ANXA5: variants seen among roughly 807,000 people sequenced by gnomAD.
ANXA5 encodes the protein CBP-I.
ANXA5 carries 40 observed loss-of-function variants against 48.1 expected under a neutral mutation model. That is an observed-to-expected ratio of 0.83 (90% confidence interval 0.65 to 1.08). The LOEUF is 1.08. Ranked by LOEUF, ANXA5 falls within the 50% of genes least tolerant of loss-of-function variation. ANXA5 has a pLI of 0.00. For synonymous variants in ANXA5, 113 were observed against 129.1 expected (o/e 0.88, Z 0.85); for missense variants, 357 against 376.8 (o/e 0.95, Z 0.44).
At position 121,681,689 on chromosome 4, in the gene ANXA5, T is replaced by G; in HGVS notation, c.376A>C (p.Lys126Gln). Residue 126 changes from lysine (K) to glutamine (Q), a missense_variant, in exon 6 of 13, where the codon AAA (lysine) becomes CAA (glutamine). By Grantham distance (53) the Lys-to-Gln change is moderately conservative (BLOSUM62 1). Coordinates refer to ENST00000296511, the MANE Select transcript of ANXA5 (RefSeq NM_001154.4). ...SRTPEELRAI[K>Q]QVYEEEYGSS... is the part of the protein sequence containing the mutation. ...CATTTACCTTCTTCATAAACTTGTTTGATGGCTCTCAGTTCTTCAGGTGTC... is the reference window on the plus strand; with the variant it reads ...CATTTACCTTCTTCATAAACTTGTTGGATGGCTCTCAGTTCTTCAGGTGTC... 2 of 1,611,888 alleles carry G rather than the reference T, an allele frequency of 1.2e-6. No individual in the cohort carries two copies. The highest frequency in any genetic ancestry group is 1.7e-6 in the Non-Finnish European group (2 of 1,178,466).
intron 5 of ANXA5, among the ~76,000 whole-genome samples, chr4:121,682,232 G>C (rs897546454): frequency 2.0e-5 from 3 of 152,066 alleles, no homozygotes; most frequent in African/African-American, 7.2e-5. Context: ...TGCAGTCACA[G>C]GAAAATTCTA....
chr4:121,680,417 C>A (rs1724771284), intron 6 of ANXA5, among the ~76,000 whole-genome samples: 1 of 152,204 alleles, frequency 6.6e-6, no homozygotes. Flanking sequence ...CCTCTCTCTT[C>A]TGAATGCATT....
At position 121,684,674 on chromosome 4, in the gene ANXA5, T is replaced by TA; in HGVS notation, c.189+2dup. ...TCTCTCTTGGGATGAAGTGTGGTCT[T>TA]ACCCTGCCAAACAGAGTCTTAAAAG... On this transcript the variant is annotated splice_region_variant and intron_variant, in intron 4 of 12. Coordinates refer to ENST00000296511, the MANE Select transcript of ANXA5 (RefSeq NM_001154.4). 6.2e-7 allele frequency: 1 copy of TA among 1,613,426 alleles called. No homozygotes were observed. The highest frequency in any genetic ancestry group is 1.3e-5 in the African/African-American group (1 of 75,034).
At chr4:121,682,139 C>T (rs1478020369) in intron 5 of ANXA5, among the ~76,000 whole-genome samples, 1 of 152,052 alleles carries the variant, frequency 6.6e-6, no homozygotes, top group East Asian at 1.9e-4. Context: ...AAAATGAAAA[C>T]TTCACGTAAA....
At chr4:121,694,979 G>A (rs11932858) in intron 2 of ANXA5, among the ~76,000 whole-genome samples, 82,103 of 152,000 alleles carry the variant, frequency 0.54, 23,209 homozygotes, top group African/African-American at 0.7. Flanking sequence ...AAATATGTTC[G>A]CTTATACTAT....
chr4:121,687,255 G>A (rs1190451080), intron 2 of ANXA5, among the ~76,000 whole-genome samples: 4 of 149,068 alleles, frequency 2.7e-5, no homozygotes, highest in South Asian at 2.1e-4. Context: ...AGCCAAGATC[G>A]CGCCACTGCA....
chr4:121,669,824 T>G, intron 11 of ANXA5, 100 bp from the exon 12 acceptor site: 1 of 1,480,466 alleles, frequency 6.8e-7, no homozygotes, highest in Non-Finnish European at 9.2e-7. Context: ...GTATAACAAT[T>G]TAGTAGAACT....
intron 8 of ANXA5, 73 bp downstream of exon 8, chr4:121,677,821 G>A: frequency 1.5e-6 from 2 of 1,304,894 alleles, no homozygotes; most frequent in Non-Finnish European, 2.2e-6. Context: ...CATACATTGT[G>A]ATTTTTCATT....
chr4:121,695,731 C>T (rs1185563669), intron 2 of ANXA5, among the ~76,000 whole-genome samples: 1 of 151,944 alleles, frequency 6.6e-6, no homozygotes, highest in African/African-American at 2.4e-5. Context: ...GGTGAAACCC[C>T]GCCTCTACTA....
intron 2 of ANXA5, among the ~76,000 whole-genome samples, chr4:121,691,292 A>G (rs930042953): frequency 6.7e-6 from 1 of 149,406 alleles, no homozygotes; most frequent in Admixed American, 6.8e-5. Flanking sequence ...CTCTAAATGA[A>G]AAAGTTCTTT....
intron 12 of ANXA5, among the ~76,000 whole-genome samples, chr4:121,669,055 A>AG (rs1491449830): frequency 3.1e-5 from 1 of 31,982 alleles, no homozygotes; most frequent in Middle Eastern, 0.021. Context: ...CCTTTACTGG[A>AG]AAAAAAAAAA....
intron 2 of ANXA5, 45 bp from the exon 3 acceptor site, chr4:121,686,417 T>C (rs1724891682): frequency 1.4e-6 from 2 of 1,391,754 alleles, no homozygotes; most frequent in Non-Finnish European, 2.0e-6. Context: ...ATGACTAATA[T>C]GACAAAGTAA....
Position 121,686,500 on chromosome 4 carries a change from T to G in ANXA5, c.10-128A>C, listed in dbSNP as rs115906268. On this transcript the variant is annotated intron_variant, in intron 2 of 12. Transcript: ENST00000296511. ...AATAAATTTACCATTTGATAAGATT[T>G]GTGACCCCTTTTGAACTGGGAAGGG... is the stretch of plus-strand genomic sequence containing the variant. 2.4e-4 allele frequency: 172 copies of G among 721,404 alleles called. No individual in the cohort carries two copies. The African/African-American group carries it at 2.7e-3, about 11-fold the overall frequency. 44.7% of individuals were successfully genotyped at this position (721,404 alleles called of 1,614,324 possible). A position where few individuals can be genotyped will look rare whatever the true frequency, so the allele number is the denominator to read the frequency against.
intron 3 of ANXA5, among the ~76,000 whole-genome samples, chr4:121,685,756 A>G (rs1347490833): frequency 2.0e-5 from 3 of 152,168 alleles, no homozygotes; most frequent in Admixed American, 2.0e-4. Context: ...TGAGAATGGG[A>G]TATCTGATTG....
At chr4:121,691,541 T>A (rs76498875) in intron 2 of ANXA5, among the ~76,000 whole-genome samples, 3 of 52,294 alleles carry the variant, frequency 5.7e-5, no homozygotes, top group Admixed American at 2.7e-4. Flanking sequence ...TACCGCACCC[T>A]CCCCCCACCT....
rs922493699 is a variant in ANXA5 at position 121,669,737 on chromosome 4, A to G, written c.781-13T>C. The G allele has an allele frequency of 1.9e-6, 3 of 1,580,340 alleles. No individual in the cohort carries two copies. The highest frequency in any genetic ancestry group is 2.6e-6 in the Non-Finnish European group (3 of 1,171,752). ...CTGTCCCAGCTCCCTTTAAAAAAAA[A>G]AAAAAAGAGAGAAGCAAAATGCTTA... On this transcript the variant is annotated splice_polypyrimidine_tract_variant and intron_variant, in intron 11 of 12. Coordinates refer to ENST00000296511, the MANE Select transcript of ANXA5 (RefSeq NM_001154.4).
intron 6 of ANXA5, among the ~76,000 whole-genome samples, chr4:121,680,238 G>A (rs1036454906): frequency 6.6e-6 from 1 of 151,976 alleles, no homozygotes; most frequent in Non-Finnish European, 1.5e-5. Flanking sequence ...CCCTCTTTAA[G>A]ACTGAACAGT....
chr4:121,669,300 CAGAA>C (rs2110478015), intron 12 of ANXA5: 1 of 242,228 alleles, frequency 4.1e-6, no homozygotes, highest in Non-Finnish European at 7.8e-6. Flanking sequence ...TGATAAAAGA[CAGAA>C]AGAACACATT....
chr4:121,686,504 ACCC>A, intron 2 of ANXA5, 132 bp from the exon 3 acceptor site: 1 of 698,166 alleles, frequency 1.4e-6, no homozygotes, highest in Non-Finnish European at 2.4e-6. Flanking sequence ...AAGATTTGTG[ACCC>A]CTTTTGAACT....
Sources: gnomAD v4.1 joint callset for allele counts (sites outside exome capture counted in the v4.1 genomes callset) on GRCh38, gnomAD v4.1.1 for gene constraint, MANE v1.5 for transcripts, NCBI Gene and HGNC (gene_info 2026-07-23, HGNC 2026-07-21) for gene names.